GABBR2: variants seen among roughly 807,000 people sequenced by gnomAD.
GABBR2 encodes gamma-aminobutyric acid type B receptor subunit 2, also known as G-protein coupled receptor 51.
A neutral mutation model predicts 105.6 loss-of-function variants in GABBR2; 23 were observed. The ratio of observed to expected loss-of-function variants is 0.22; its 90% confidence interval spans 0.16 to 0.31. The LOEUF is 0.31. GABBR2 is among the 10% of genes least tolerant of loss of function. The pLI is 1.00. For synonymous variants in GABBR2, 478 were observed against 499.7 expected (o/e 0.96, Z 0.58); for missense variants, 734 against 1,245.5 (o/e 0.59, Z 6.18).
chr9:98,671,330 C>T (rs908608909), intron 1 of GABBR2, among the ~76,000 whole-genome samples: 1 of 152,202 alleles, frequency 6.6e-6, no homozygotes, highest in South Asian at 2.1e-4. Flanking sequence ...ATCAGTACTC[C>T]ATTCCTTTTT....
At chr9:98,607,037 C>A in intron 1 of GABBR2, 1 of 1,261,014 alleles carries the variant, frequency 7.9e-7, no homozygotes, top group Non-Finnish European at 1.2e-6. Flanking sequence ...TGGGATTTGC[C>A]AATCTCCCAA....
intron 1 of GABBR2, among the ~76,000 whole-genome samples, chr9:98,621,577 A>G (rs1829671755): frequency 6.6e-6 from 1 of 152,236 alleles, no homozygotes; most frequent in Non-Finnish European, 1.5e-5. Context: ...TGCTGCTATC[A>G]GACTCTGTGG....
At chr9:98,314,869 T>A (rs1003420026) in intron 13 of GABBR2, among the ~76,000 whole-genome samples, 1 of 151,210 alleles carries the variant, frequency 6.6e-6, no homozygotes, top group Non-Finnish European at 1.5e-5. Context: ...AGGCTTTGAA[T>A]GGAGCTCAGT....
intron 1 of GABBR2, among the ~76,000 whole-genome samples, chr9:98,664,099 G>C (rs555154634): frequency 6.6e-6 from 1 of 152,268 alleles, no homozygotes; most frequent in East Asian, 1.9e-4. Flanking sequence ...TCTGGGCGTC[G>C]GCAGGATCCC....
intron 1 of GABBR2, among the ~76,000 whole-genome samples, chr9:98,658,481 T>A (rs995940240): frequency 6.6e-6 from 1 of 152,186 alleles, no homozygotes; most frequent in Non-Finnish European, 1.5e-5. Flanking sequence ...TCCCACTAGA[T>A]GATGTCACCT....
chr9:98,518,744 T>C (rs1456274886), intron 3 of GABBR2, among the ~76,000 whole-genome samples: 3 of 152,164 alleles, frequency 2.0e-5, no homozygotes, highest in Non-Finnish European at 2.9e-5. Context: ...GGGTTGCTCA[T>C]GTATGGAGAG....
intron 4 of GABBR2, chr9:98,496,137 C>T (rs1827274736): frequency 2.2e-6 from 1 of 454,348 alleles, no homozygotes; most frequent in African/African-American, 2.0e-5. Flanking sequence ...TCATGTGTGC[C>T]CTGCTTGCCC....
intron 6 of GABBR2, among the ~76,000 whole-genome samples, chr9:98,463,151 A>G (rs999583764): frequency 1.3e-5 from 2 of 152,202 alleles, no homozygotes; most frequent in African/African-American, 4.8e-5. Context: ...AGCCTCCCCA[A>G]GTGCTGGGAT....
intron 7 of GABBR2, among the ~76,000 whole-genome samples, chr9:98,424,543 C>T (rs372471657): frequency 5.3e-5 from 8 of 151,778 alleles, no homozygotes; most frequent in Non-Finnish European, 8.8e-5. Flanking sequence ...AGTCAAATTG[C>T]CCCTGTTTGC....
chr9:98,471,782 C>T (rs898380594), intron 6 of GABBR2, among the ~76,000 whole-genome samples: 2 of 152,146 alleles, frequency 1.3e-5, no homozygotes, highest in African/African-American at 4.8e-5. Flanking sequence ...GATTAAAATA[C>T]AGGGTATCCC....
rs184232926 is a variant in GABBR2 at position 98,400,426 on chromosome 9, G to C, written c.1297+5655C>G. On this transcript the variant is annotated intron_variant, in intron 8 of 18. Transcript: ENST00000259455. ...GGGACACAGGAATCCTCTGCCAGTG[G>C]GTGTGGATATGGGCAAGGCCATTCT... 8.3e-4 allele frequency among the ~76,000 whole-genome samples: 127 copies of C among 152,274 alleles called. 1 individual carries two copies. Among genetic ancestry groups the C allele is most frequent in the Non-Finnish European group, 1.6e-3 (107 of 68,024 alleles).
At chr9:98,551,193 G>T (rs1235041797) in intron 2 of GABBR2, among the ~76,000 whole-genome samples, 2 of 152,018 alleles carry the variant, frequency 1.3e-5, no homozygotes, top group Non-Finnish European at 2.9e-5. Flanking sequence ...ACTTGAGGTC[G>T]GCAATTTGTG....
At chr9:98,616,178 T>C (rs781767120) in intron 1 of GABBR2, among the ~76,000 whole-genome samples, 5 of 152,218 alleles carry the variant, frequency 3.3e-5, no homozygotes, top group African/African-American at 1.2e-4. Flanking sequence ...CCAGGGAAGA[T>C]ACAGGGTATG....
At chr9:98,452,169 C>A (rs543271353) in intron 7 of GABBR2, among the ~76,000 whole-genome samples, 1 of 152,268 alleles carries the variant, frequency 6.6e-6, no homozygotes, top group Non-Finnish European at 1.5e-5. Context: ...CCCACCAGAC[C>A]AACAATATAA....
intron 11 of GABBR2, among the ~76,000 whole-genome samples, chr9:98,377,884 G>T (rs1436182230): frequency 6.6e-6 from 1 of 152,174 alleles, no homozygotes; most frequent in Non-Finnish European, 1.5e-5. Context: ...CTCTCCTTGA[G>T]CTGGTCTGGA....
At chr9:98,398,715 C>T (rs1832338002) in intron 8 of GABBR2, among the ~76,000 whole-genome samples, 2 of 152,254 alleles carry the variant, frequency 1.3e-5, no homozygotes, top group African/African-American at 4.8e-5. Flanking sequence ...TTTTTCACTT[C>T]CACCCCATCC....
intron 8 of GABBR2, among the ~76,000 whole-genome samples, chr9:98,403,586 C>T (rs978693203): frequency 6.6e-6 from 1 of 152,018 alleles, no homozygotes; most frequent in Non-Finnish European, 1.5e-5. Flanking sequence ...CCTTGTATCA[C>T]CTCCTATACA....
At chr9:98,615,703 C>T (rs1829573211) in intron 1 of GABBR2, among the ~76,000 whole-genome samples, 1 of 152,246 alleles carries the variant, frequency 6.6e-6, no homozygotes, top group South Asian at 2.1e-4. Flanking sequence ...TGGTGCTGTA[C>T]ATAGCCCAGA....
intron 9 of GABBR2, among the ~76,000 whole-genome samples, chr9:98,393,029 C>CCCAACCAA (rs796720120): frequency 8.1e-6 from 1 of 123,060 alleles, no homozygotes. Context: ...CATGCATCCA[C>CCCAACCAA]CCATCCATCC....
Sources: gnomAD v4.1 joint callset for allele counts (sites outside exome capture counted in the v4.1 genomes callset) on GRCh38, gnomAD v4.1.1 for gene constraint, MANE v1.5 for transcripts, NCBI Gene and HGNC (gene_info 2026-07-23, HGNC 2026-07-21) for gene names.